The following SCAF8 variants were observed in gnomAD, a reference collection of about 807,000 sequenced individuals.
SCAF8 encodes the protein SR-related CTD associated factor 8.
SCAF8 carries 23 observed loss-of-function variants against 140.5 expected under a neutral mutation model. The observed-to-expected ratio is 0.16, with a 90% confidence interval of 0.12 to 0.23. The LOEUF is 0.23. Ranked by LOEUF, SCAF8 falls within the 10% of genes least tolerant of loss-of-function variation. SCAF8 has a pLI of 1.00. For missense variants in SCAF8, 1,397 were observed against 1,555.7 expected, an observed-to-expected ratio of 0.90 and a Z score of 1.72; for synonymous variants, 575 against 528.9, an observed-to-expected ratio of 1.09 and a Z score of -1.20.
chr6:154,793,318 A>G (rs1233410771), intron 5 of SCAF8, among the ~76,000 whole-genome samples: 1 of 152,026 alleles, frequency 6.6e-6, no homozygotes, highest in Non-Finnish European at 1.5e-5. Flanking sequence ...GGGACTTAAT[A>G]TTTTTTAAGA....
chr6:154,760,468 G>A (rs1779074175), intron 1 of SCAF8, among the ~76,000 whole-genome samples: 2 of 152,072 alleles, frequency 1.3e-5, no homozygotes, highest in Non-Finnish European at 2.9e-5. Context: ...CCTTTGTAAT[G>A]TCATACTTTT....
In SCAF8 at chr6:154,733,555, G is replaced by A. The variant is rs1392746758; in HGVS notation, c.-346G>A. 3 of 1,287,538 alleles carry A rather than the reference G, an allele frequency of 2.3e-6. No homozygotes were observed. The highest frequency in any genetic ancestry group is 2.4e-5 in the South Asian group (1 of 41,166). 79.8% of individuals were successfully genotyped at this position (1,287,538 alleles called of 1,614,324 possible). A position where few individuals can be genotyped will look rare whatever the true frequency, so the allele number is the denominator to read the frequency against. ...GGGCAGAAGGGAGTGGAGAGTGTAG[G>A]GGAAGGGGCTAGAGGGAGGGGGACC... On this transcript the variant is annotated 5_prime_UTR_variant, in exon 1 of 20. Coordinates refer to ENST00000367178, the MANE Select transcript of SCAF8 (RefSeq NM_014892.5).
At chr6:154,791,128 CATT>C (rs1442177716) in intron 4 of SCAF8, among the ~76,000 whole-genome samples, 9 of 152,164 alleles carry the variant, frequency 5.9e-5, no homozygotes, top group East Asian at 1.9e-4. Context: ...CATCTTGAGA[CATT>C]ATTCTTCATT....
Position 154,811,523 on chromosome 6 carries a change from C to T in SCAF8, c.1420+1315C>T, listed in dbSNP as rs530362145. Among the ~76,000 whole-genome samples, 7 of 151,724 alleles carry T rather than the reference C, an allele frequency of 4.6e-5. No homozygotes were observed. In the East Asian group the frequency reaches 1.4e-3, roughly 29 times the overall value. On this transcript the variant is annotated intron_variant, in intron 12 of 19. Transcript: ENST00000367178. ...TGGTGGTTTGCTGCACCCATCAACC[C>T]GTCATCTAAGTTTTTTCTTTTTTTT...
In SCAF8 at chr6:154,733,788, C is replaced by A; in HGVS notation, c.-113C>A. ...CCCGAGGTCGCAGCGGCCCGCTCTC[C>A]CGCCAGCGCCCCCTCCTCGCGGCCA... On this transcript the variant is annotated 5_prime_UTR_variant, in exon 1 of 20. Transcript: ENST00000367178. 7.2e-7 allele frequency: 1 copy of A among 1,391,750 alleles called. No individual in the cohort carries two copies. Among genetic ancestry groups the A allele is most frequent in the Non-Finnish European group, 9.3e-7 (1 of 1,075,458 alleles). 86.2% of individuals were successfully genotyped at this position (1,391,750 alleles called of 1,614,324 possible). A position where few individuals can be genotyped will look rare whatever the true frequency, so the allele number is the denominator to read the frequency against.
chr6:154,818,979 T>C lies in SCAF8; in HGVS notation c.1635+387T>C, dbSNP rs573625324. 4.7e-4 allele frequency among the ~76,000 whole-genome samples: 71 copies of C among 152,296 alleles called. No homozygotes were observed. The South Asian group carries it at 0.013, about 29-fold the overall frequency. On this transcript the variant is annotated intron_variant, in intron 14 of 19. Transcript: ENST00000367178. ...TTAACTATACCTTCTAATTATATTA[T>C]TGATTTCTTTTTTCTTGACATCTTT...
Position 154,824,177 on chromosome 6 carries a change from G to C in SCAF8, c.1927-57G>C, listed in dbSNP as rs1160807812. The stretch of plus-strand genomic sequence containing the variant: ...GAAATAGAATAATTTGCCTTTAGTT[G>C]TTCCAAGATGCAGGTGAATAAACTG... On this transcript the variant is annotated intron_variant, in intron 16 of 19. Transcript: ENST00000367178. 3.2e-6 allele frequency: 5 copies of C among 1,562,592 alleles called. No homozygotes were observed. In the East Asian group the frequency reaches 9.0e-5, roughly 28 times the overall value.
At chr6:154,774,517 C>T (rs1465791992) in intron 2 of SCAF8, among the ~76,000 whole-genome samples, 1 of 152,108 alleles carries the variant, frequency 6.6e-6, no homozygotes, top group Non-Finnish European at 1.5e-5. Context: ...GTGTTTAACA[C>T]TGTCTTTTGC....
chr6:154,747,244 G>A (rs1778723323), intron 1 of SCAF8, among the ~76,000 whole-genome samples: 1 of 152,142 alleles, frequency 6.6e-6, no homozygotes, highest in South Asian at 2.1e-4. Context: ...GCTGAGTGTG[G>A]TGGTTAGGCC....
intron 1 of SCAF8, among the ~76,000 whole-genome samples, chr6:154,747,896 C>CTGTG (rs71021073): frequency 0.071 from 10,206 of 144,626 alleles, 406 homozygotes; most frequent in Admixed American, 0.086. Flanking sequence ...CATTTCATTT[C>CTGTG]TGTGTGTGTG....
intron 1 of SCAF8, chr6:154,741,816 G>T: frequency 3.5e-6 from 2 of 574,126 alleles, no homozygotes; most frequent in Non-Finnish European, 6.3e-6. Context: ...ACGCTGTTTT[G>T]GACAACTTCT....
intron 1 of SCAF8, among the ~76,000 whole-genome samples, chr6:154,771,891 G>T (rs972984504): frequency 6.6e-6 from 1 of 151,922 alleles, no homozygotes; most frequent in East Asian, 1.9e-4. Context: ...AGTTGGGGGG[G>T]AAAAAAAGAA....
chr6:154,831,310 T>C (rs1778725459), intron 19 of SCAF8, among the ~76,000 whole-genome samples, 170 bp downstream of exon 19: 1 of 152,126 alleles, frequency 6.6e-6, no homozygotes, highest in Admixed American at 6.5e-5. Context: ...AAAAGTGGCC[T>C]TCTGTTCAGG....
At position 154,827,194 on chromosome 6, in the gene SCAF8, C is replaced by A. The variant is rs781674884; in HGVS notation, c.2094C>A (p.Pro698=). The A allele has an allele frequency of 2.5e-6, 4 of 1,603,432 alleles. No individual in the cohort carries two copies. The African/African-American group carries it at 4.1e-5, about 16-fold the overall frequency. Residue 698 remains proline (P), a synonymous_variant, in exon 18 of 20, where the codon CCC becomes CCA. Coordinates refer to ENST00000367178, the MANE Select transcript of SCAF8 (RefSeq NM_014892.5). ...TAGGTTTCATGCCGCCTCCAGTTCC[C>A]CCACCTGTTGTGCCACCCCCTACGA... ...PPPGFMPPPV[P]PPVVPPPTIP...
At position 154,814,827 on chromosome 6, in the gene SCAF8, T is replaced by A. The variant is rs985850014; in HGVS notation, c.1421-889T>A. 4.6e-5 allele frequency among the ~76,000 whole-genome samples: 7 copies of A among 152,198 alleles called. No individual in the cohort carries two copies. In the East Asian group the frequency reaches 1.3e-3, roughly 29 times the overall value. On this transcript the variant is annotated intron_variant, in intron 12 of 19. Transcript: ENST00000367178. ...TTAATATTTGTTAAGGGGATGTGGC[T>A]TTCAACAGTTAAGTATCTTTAAGTC...
Position 154,774,024 on chromosome 6 carries a change from G to A in SCAF8, c.66G>A (p.Ser22=), listed in dbSNP as rs559874211. The A allele has an allele frequency of 3.8e-5, 61 of 1,612,952 alleles. No individual in the cohort carries two copies. Among genetic ancestry groups the A allele is most frequent in the African/African-American group, 1.3e-4 (10 of 74,920 alleles). ...TGAATGACTATAAACCACCCATTTC[G>A]AAAGCGAAAATGACCCAAATTACTA... ...YSLNDYKPPI[S]KAKMTQITKA... The change falls in exon 2 of 20, where the codon TCG becomes TCA. Residue 22 remains serine (S), a synonymous_variant. Transcript: ENST00000367178.
chr6:154,829,926 A>G (rs1213924849), intron 18 of SCAF8, among the ~76,000 whole-genome samples: 1 of 152,158 alleles, frequency 6.6e-6, no homozygotes, highest in Non-Finnish European at 1.5e-5. Flanking sequence ...TAGGTTTAAA[A>G]GTCTTTCTTT....
chr6:154,827,856 CTTTATTT>C (rs1778615187), intron 18 of SCAF8, among the ~76,000 whole-genome samples: 1 of 140,266 alleles, frequency 7.1e-6, no homozygotes, highest in Non-Finnish European at 1.6e-5. Context: ...CGGTGTAAAA[CTTTATTT>C]TTTAGAGCAG....
intron 3 of SCAF8, among the ~76,000 whole-genome samples, chr6:154,778,768 AATGTGTGTGTGTGTGT>A (rs1776990617): frequency 8.5e-6 from 1 of 117,470 alleles, no homozygotes; most frequent in African/African-American, 3.0e-5. Flanking sequence ...TGTCTCAAAA[AATGTGTGTGTGTGTGT>A]GTGTGTGTGT....
Sources: gnomAD v4.1 joint callset for allele counts (sites outside exome capture counted in the v4.1 genomes callset) on GRCh38, gnomAD v4.1.1 for gene constraint, MANE v1.5 for transcripts, NCBI Gene and HGNC (gene_info 2026-07-23, HGNC 2026-07-21) for gene names.